Variants in SENP2 observed in about 807,000 individuals in gnomAD.
SENP2 encodes the protein SUMO specific peptidase 2, also known as sentrin-specific protease 2.
A neutral mutation model predicts 86.3 loss-of-function variants in SENP2; 16 were observed. The observed-to-expected ratio is 0.19, with a 90% CI of 0.13 to 0.28. The LOEUF (loss-of-function observed/expected upper bound fraction) is 0.28. SENP2 is among the 10% of genes least tolerant of loss of function. SENP2 has a pLI of 1.00. For synonymous variants in SENP2, 222 were observed against 238.7 expected (o/e 0.93, Z 0.64); for missense variants, 552 against 703.0 (o/e 0.79, Z 2.43).
intron 13 of SENP2, among the ~76,000 whole-genome samples, chr3:185,621,552 A>C (rs1451109942): frequency 6.6e-6 from 1 of 151,510 alleles, no homozygotes; most frequent in Non-Finnish European, 1.5e-5. Context: ...ATCATGCCCG[A>C]CTAATTTTTG....
At chr3:185,590,355 C>T (rs1721936393) in intron 2 of SENP2, among the ~76,000 whole-genome samples, 186 bp downstream of exon 2, 1 of 152,084 alleles carries the variant, frequency 6.6e-6, no homozygotes, top group South Asian at 2.1e-4. Context: ...TGAGACCAGC[C>T]TGGCCAACAT....
intron 5 of SENP2, among the ~76,000 whole-genome samples, chr3:185,605,682 C>T (rs1205434883): frequency 7.1e-6 from 1 of 139,904 alleles, no homozygotes. Flanking sequence ...TTTTTTGAAA[C>T]ACCACATAAG....
chr3:185,625,313 A>G (rs867900173), intron 15 of SENP2, among the ~76,000 whole-genome samples: 2 of 152,104 alleles, frequency 1.3e-5, no homozygotes, highest in South Asian at 2.1e-4. Flanking sequence ...GAGTTTCACC[A>G]TGTTAGCCAG....
intron 13 of SENP2, among the ~76,000 whole-genome samples, chr3:185,621,115 C>A (rs1325453540): frequency 3.3e-4 from 46 of 137,732 alleles, no homozygotes; most frequent in African/African-American, 8.2e-4. Flanking sequence ...CGTGATCACA[C>A]CACTGCACTC....
At chr3:185,606,538 C>T (rs1722516796) in intron 6 of SENP2, 40 bp downstream of exon 6, 1 of 1,496,372 alleles carries the variant, frequency 6.7e-7, no homozygotes, top group Non-Finnish European at 9.0e-7. Context: ...AAAAATTTTA[C>T]AGCTCTTCCC....
rs753000724 is a variant in SENP2, at chr3:185,619,445, C to G, written c.1389C>G (p.Leu463=). The G allele has an allele frequency of 1.9e-6, 3 of 1,613,978 alleles. No homozygotes were observed. The African/African-American group carries it at 4.0e-5, about 22-fold the overall frequency. Residue 463 remains leucine (L), a synonymous_variant, in exon 13 of 17, where the codon CTC becomes CTG. Transcript: ENST00000296257. The part of the protein sequence containing the change: ...AVKRWTKGVN[L]FEQEIILVPI... ...AACGATGGACCAAAGGGGTAAATCT[C>G]TTTGAACAAGAAATTATTCTGGTGC...
rs925352788 is a variant in SENP2 at position 185,586,558 on chromosome 3, C to T, written c.101+44C>T. 2 of 1,557,242 alleles carry T rather than the reference C, an allele frequency of 1.3e-6. No homozygotes were observed. The highest frequency in any genetic ancestry group is 1.4e-5 in the African/African-American group (1 of 73,932). On this transcript the variant is annotated intron_variant, in intron 1 of 16. Coordinates refer to ENST00000296257, the MANE Select transcript of SENP2 (RefSeq NM_021627.3). This position sits in a 1 kb window ranked among gnomAD's most constrained non-coding sequence, Gnocchi z 4.3. ...GAGCGCCAGCCTGGCCTTACCCCCT[C>T]CCCCACAGCGGGCTCCTCGGCCGTG...
intron 2 of SENP2, among the ~76,000 whole-genome samples, chr3:185,595,953 A>C (rs1337632222): frequency 1.3e-5 from 2 of 152,016 alleles, no homozygotes; most frequent in African/African-American, 4.8e-5. Context: ...GGCATGTGCC[A>C]CCAGGCCCAG....
intron 13 of SENP2, 82 bp downstream of exon 13, chr3:185,619,584 G>A: frequency 9.4e-7 from 1 of 1,062,046 alleles, no homozygotes; most frequent in Non-Finnish European, 1.4e-6. Context: ...TTTCTGCCCT[G>A]TGTATAGAGG....
At chr3:185,629,436 G>T (rs1003050453) in intron 16 of SENP2, among the ~76,000 whole-genome samples, 12 of 152,058 alleles carry the variant, frequency 7.9e-5, no homozygotes, top group Non-Finnish European at 1.8e-4. Flanking sequence ...AAATAAGCCG[G>T]GTGTGCTGGC....
rs78517459 is a variant in SENP2, at chr3:185,604,431, A to G, written c.450-1899A>G. Among the ~76,000 whole-genome samples the G allele has an allele frequency of 1.2e-3, 176 of 152,362 alleles. 1 individual carries two copies. Among genetic ancestry groups the G allele is most frequent in the African/African-American group, 3.8e-3 (159 of 41,596 alleles). ...TGTTGGGTAGAATGACCTAAATGTC[A>G]GGTCAGGTTGGTTGATAATATTTTA... is the stretch of plus-strand genomic sequence containing the variant. On this transcript the variant is annotated intron_variant, in intron 5 of 16. Coordinates refer to ENST00000296257, the MANE Select transcript of SENP2 (RefSeq NM_021627.3).
chr3:185,594,960 G>A (rs1441016177), intron 2 of SENP2, among the ~76,000 whole-genome samples: 1 of 152,050 alleles, frequency 6.6e-6, no homozygotes, highest in African/African-American at 2.4e-5. Flanking sequence ...CTGACCTCAA[G>A]TGATCCACCC....
At chr3:185,611,565 G>T in intron 7 of SENP2, 86 bp from the exon 8 acceptor site, 1 of 789,578 alleles carries the variant, frequency 1.3e-6, no homozygotes, top group Non-Finnish European at 2.1e-6. Flanking sequence ...ACCCCTATTT[G>T]GAGAAGCTTG....
At position 185,626,458 on chromosome 3, in the gene SENP2, C is replaced by T. The variant is rs1712149607; in HGVS notation, c.1707+65C>T. The T allele has an allele frequency of 1.9e-5, 21 of 1,086,146 alleles. No homozygotes were observed. In the South Asian group the frequency reaches 2.8e-4, roughly 14 times the overall value. 67.3% of individuals were successfully genotyped at this position (1,086,146 alleles called of 1,614,324 possible). On this transcript the variant is annotated intron_variant, in intron 16 of 16. Transcript: ENST00000296257. ...GCAAGATAAGGCACTTGGCCAGTGC[C>T]TGGCACACATTCAGCTCTCAATAGT...
chr3:185,604,159 TA>T (rs1229245215), intron 5 of SENP2, among the ~76,000 whole-genome samples: 1 of 152,222 alleles, frequency 6.6e-6, no homozygotes, highest in Non-Finnish European at 1.5e-5. Flanking sequence ...AAATATTTTC[TA>T]ATTTCTATTT....
rs1345215696 is a variant in SENP2 at position 185,631,457 on chromosome 3, CT to C, written c.*1614del. ...CCCCTCCCACTCCCCCTCCCTCCCT[CT>C]CCCCTCCCCCTCCCTCCCTCCCCCC... On this transcript the variant is annotated 3_prime_UTR_variant, in exon 17 of 17. Transcript: ENST00000296257. 1 of 6,992 alleles carries C rather than the reference CT, an allele frequency of 1.4e-4. No homozygotes were observed. Among genetic ancestry groups the C allele is most frequent in the African/African-American group, 5.8e-4 (1 of 1,712 alleles). The allele number at this position is 6,992 out of a possible 1,614,324, so 0.4% of individuals were successfully genotyped here.
chr3:185,587,681 C>G (rs1008310865), intron 1 of SENP2, among the ~76,000 whole-genome samples: 1 of 149,604 alleles, frequency 6.7e-6, no homozygotes, highest in Admixed American at 6.7e-5. Context: ...ATTCTCCTGC[C>G]TCAGCCTCCC....
At chr3:185,618,806 G>A (rs1319836563) in intron 12 of SENP2, among the ~76,000 whole-genome samples, 1 of 152,250 alleles carries the variant, frequency 6.6e-6, no homozygotes, top group Non-Finnish European at 1.5e-5. Context: ...GTGAACCCGG[G>A]AGGCAGAGCT....
intron 2 of SENP2, among the ~76,000 whole-genome samples, chr3:185,591,906 G>C (rs1483605173): frequency 2.0e-5 from 3 of 147,766 alleles, no homozygotes; most frequent in African/African-American, 7.5e-5. Context: ...GCTGATTTTT[G>C]TATTTTTTTT....
Sources: gnomAD v4.1 joint callset for allele counts (sites outside exome capture counted in the v4.1 genomes callset) on GRCh38, gnomAD v4.1.1 for gene constraint, Gnocchi (gnomAD v3.1) non-coding constraint, MANE v1.5 for transcripts, NCBI Gene and HGNC (gene_info 2026-07-23, HGNC 2026-07-21) for gene names.